Variants in HOOK1 observed in about 807,000 individuals in gnomAD.
The protein encoded by HOOK1 is protein Hook homolog 1.
HOOK1 carries 60 observed loss-of-function variants against 112.8 expected under a neutral mutation model. That is an observed-to-expected ratio of 0.53 (90% confidence interval 0.43 to 0.66). The LOEUF (loss-of-function observed/expected upper bound fraction) is 0.66. Among genes scored for constraint, HOOK1 ranks in the 30% least tolerant of loss-of-function variants. The probability of loss-of-function intolerance (pLI) is 0.00; values close to 1 mark genes in which losing one functional copy is unlikely to be tolerated. For missense variants in HOOK1, 770 were observed against 856.0 expected (o/e 0.90, Z 1.25); for synonymous variants, 294 against 283.8 (o/e 1.04, Z -0.36).
intron 17 of HOOK1, 39 bp downstream of exon 17, chr1:59,864,705 GA>G (rs774562611): frequency 7.7e-7 from 1 of 1,290,556 alleles, no homozygotes; most frequent in Non-Finnish European, 1.1e-6. Context: ...TATGAGAAGG[GA>G]GGGGTTGTAA....
intron 9 of HOOK1, among the ~76,000 whole-genome samples, chr1:59,845,566 TTTTTG>T (rs1374635593): frequency 6.6e-6 from 1 of 151,738 alleles, no homozygotes; most frequent in Non-Finnish European, 1.5e-5. Flanking sequence ...TGCTAAAAGT[TTTTTG>T]TTTTTGTTTT....
intron 21 of HOOK1, among the ~76,000 whole-genome samples, chr1:59,871,760 A>AT (rs1309190219): frequency 6.6e-6 from 1 of 152,232 alleles, no homozygotes; most frequent in East Asian, 1.9e-4. Flanking sequence ...TCTTATTTAT[A>AT]CAAAGGCATA....
At chr1:59,846,584 T>TCCCC (rs879727101) in intron 9 of HOOK1, among the ~76,000 whole-genome samples, 1 of 89,616 alleles carries the variant, frequency 1.1e-5, no homozygotes, top group Non-Finnish European at 2.2e-5. Flanking sequence ...CCTTCCTTCC[T>TCCCC]TCCTCCCTCC....
At chr1:59,861,349 T>C (rs2098413498) in intron 15 of HOOK1, among the ~76,000 whole-genome samples, 1 of 152,200 alleles carries the variant, frequency 6.6e-6, no homozygotes, top group Admixed American at 6.5e-5. Context: ...CAAATTTAAA[T>C]CCCACTTCTA....
chr1:59,859,834 GT>G (rs1358536926), intron 14 of HOOK1, among the ~76,000 whole-genome samples: 2 of 151,650 alleles, frequency 1.3e-5, no homozygotes, highest in Non-Finnish European at 2.9e-5. Context: ...TATACTATTT[GT>G]TTCCTTTAGC....
chr1:59,859,025 G>A lies in HOOK1; in HGVS notation c.1371G>A (p.Glu457=). ...ATKSYENLAA[E]IMPVEYREVF... Reference sequence around the variant, plus strand: ...AAAGTTATGAGAATCTTGCTGCTGAGATTATGCCAGTGGAATATAGGTAAA... The same window carrying A: ...AAAGTTATGAGAATCTTGCTGCTGAAATTATGCCAGTGGAATATAGGTAAA... Residue 457 remains glutamate (E), a synonymous_variant, in exon 14 of 22, where the codon GAG becomes GAA. Transcript: ENST00000371208. 1 of 1,560,564 alleles carries A rather than the reference G, an allele frequency of 6.4e-7. No individual in the cohort carries two copies. The highest frequency in any genetic ancestry group is 1.4e-5 in the African/African-American group (1 of 72,888).
At chr1:59,843,166 CCAAA>C (rs1024828895) in intron 8 of HOOK1, among the ~76,000 whole-genome samples, 26 of 151,482 alleles carry the variant, frequency 1.7e-4, no homozygotes, top group Admixed American at 9.9e-4. Context: ...ATTTTCTTCC[CCAAA>C]CAAAGGCAGG....
At position 59,876,102 on chromosome 1, in the gene HOOK1, C is replaced by T. The variant is rs564352277; in HGVS notation, c.*3137C>T. On this transcript the variant is annotated 3_prime_UTR_variant, in exon 22 of 22. Coordinates refer to ENST00000371208, the MANE Select transcript of HOOK1 (RefSeq NM_015888.6). ...GTATGCATACATTTTTATTGTGCAC[C>T]TGTACATTGTGAAGAAGTAGTTTGG... The T allele has an allele frequency of 2.6e-5, 4 of 152,640 alleles. No individual in the cohort carries two copies. In the South Asian group the frequency reaches 8.3e-4, roughly 32 times the overall value. 9.5% of individuals were successfully genotyped at this position (152,640 alleles called of 1,614,324 possible). A position where few individuals can be genotyped will look rare whatever the true frequency, so the allele number is the denominator to read the frequency against.
rs939111062 is a variant in HOOK1, at chr1:59,815,154, C to T, written c.37C>T (p.Pro13Ser). 2.6e-6 allele frequency: 4 copies of T among 1,543,708 alleles called. No homozygotes were observed. Among genetic ancestry groups the T allele is most frequent in the Non-Finnish European group, 2.6e-6 (3 of 1,146,568 alleles). The change falls in exon 1 of 22, where the codon CCC becomes TCC. Residue 13 changes from proline to serine, a missense_variant. Physicochemically the swap from Pro to Ser is moderately conservative, Grantham distance 74. Transcript: ENST00000371208. ...GCAGCCGCCGCCGCAGCCTAAGCTGCCCCTGTGCGACAGCCTCATGATCTG... is the reference window on the plus strand; with the variant it reads ...GCAGCCGCCGCCGCAGCCTAAGCTGTCCCTGTGCGACAGCCTCATGATCTG... Reference protein sequence around the residue: ...ETQPPPQPKLPLCDSLMIWLQ... With the variant: ...ETQPPPQPKLSLCDSLMIWLQ...
intron 20 of HOOK1, among the ~76,000 whole-genome samples, chr1:59,869,142 A>T (rs145412518): frequency 6.6e-6 from 1 of 152,096 alleles, no homozygotes; most frequent in Non-Finnish European, 1.5e-5. Flanking sequence ...GCAGAGCCAT[A>T]TTGAATTCTA....
rs878923503 is a variant in HOOK1, at chr1:59,873,987, C to T, written c.*1022C>T. On this transcript the variant is annotated 3_prime_UTR_variant, in exon 22 of 22. Transcript: ENST00000371208. Reference sequence around the variant, plus strand: ...TGGGCTCAGTTTGTGGTATTCAGTTCGTTTCTGCCCAAAGCTCTTATTTTC... The same window carrying T: ...TGGGCTCAGTTTGTGGTATTCAGTTTGTTTCTGCCCAAAGCTCTTATTTTC... 2 of 151,684 alleles carry T rather than the reference C, an allele frequency of 1.3e-5. 1 individual carries two copies. Among genetic ancestry groups the T allele is most frequent in the African/African-American group, 4.8e-5 (2 of 41,302 alleles). 9.4% of individuals were successfully genotyped at this position (151,684 alleles called of 1,614,324 possible). A position where few individuals can be genotyped will look rare whatever the true frequency, so the allele number is the denominator to read the frequency against.
Position 59,815,308 on chromosome 1 carries a change from C to T in HOOK1, c.63+128C>T, listed in dbSNP as rs2098380428. ...CCGGCGCACCCTGCCCTTCTCACCT[C>T]GTGCCCTTGACCGAGAGAATGCCAC... On this transcript the variant is annotated intron_variant, in intron 1 of 21. Coordinates refer to ENST00000371208, the MANE Select transcript of HOOK1 (RefSeq NM_015888.6). The T allele has an allele frequency of 3.5e-6, 3 of 861,078 alleles. No homozygotes were observed. The Admixed American group carries it at 8.3e-5, about 24-fold the overall frequency. 53.3% of individuals were successfully genotyped at this position (861,078 alleles called of 1,614,324 possible). A position where few individuals can be genotyped will look rare whatever the true frequency, so the allele number is the denominator to read the frequency against.
chr1:59,863,388 C>G lies in HOOK1; in HGVS notation c.1626+511C>G, dbSNP rs545135275. 7.2e-5 allele frequency among the ~76,000 whole-genome samples: 11 copies of G among 152,222 alleles called. No homozygotes were observed. In the South Asian group the frequency reaches 2.1e-3, roughly 29 times the overall value. The stretch of plus-strand genomic sequence containing the variant: ...CTGAAGGACAGAAACTTTAATGCAG[C>G]CTTGGAGGCATCACTCATTTCTTTC... On this transcript the variant is annotated intron_variant, in intron 16 of 21. Coordinates refer to ENST00000371208, the MANE Select transcript of HOOK1 (RefSeq NM_015888.6).
chr1:59,842,603 T>C (rs2098401588), intron 8 of HOOK1, among the ~76,000 whole-genome samples: 1 of 152,160 alleles, frequency 6.6e-6, no homozygotes, highest in African/African-American at 2.4e-5. Context: ...ATAACTGGAT[T>C]GAATTACATG....
chr1:59,832,163 G>A lies in HOOK1; in HGVS notation c.223G>A (p.Ala75Thr), dbSNP rs148007142. The A allele has an allele frequency of 3.9e-5, 58 of 1,497,090 alleles. No individual in the cohort carries two copies. In the East Asian group the frequency reaches 9.0e-4, roughly 23 times the overall value. 92.7% of individuals were successfully genotyped at this position (1,497,090 alleles called of 1,614,324 possible). A position where few individuals can be genotyped will look rare whatever the true frequency, so the allele number is the denominator to read the frequency against. ...EDVGDNWRIK[A>T]SNVKKVLQGI... ...GAATCTCTTATTTTTTTCACATTAG[G>A]CCAGTAATGTAAAGAAGGTCCTTCA... The change falls in exon 4 of 22, where the codon GCC (alanine) becomes ACC (threonine). Residue 75 changes from alanine to threonine, a missense_variant and splice_region_variant. This residue lies in a region of HOOK1 where 655 missense variants were observed against 725.9 expected (regional missense o/e 0.90). Transcript: ENST00000371208.
rs142054826 is a variant in HOOK1 at position 59,847,004 on chromosome 1, A to G, written c.789-41A>G. 1.3e-3 allele frequency: 1,937 copies of G among 1,510,794 alleles called. 2 individuals carry two copies. The highest frequency in any genetic ancestry group is 1.6e-3 in the Non-Finnish European group (1,824 of 1,118,482). The allele number at this position is 1,510,794 out of a possible 1,614,324, so 93.6% of individuals were successfully genotyped here. A position where few individuals can be genotyped will look rare whatever the true frequency, so the allele number is the denominator to read the frequency against. On this transcript the variant is annotated intron_variant, in intron 9 of 21. Coordinates refer to ENST00000371208, the MANE Select transcript of HOOK1 (RefSeq NM_015888.6). Reference sequence around the variant, plus strand: ...AGTTACAATTATATAATTATAACAAATCATGGAAGTTATAAATACTTACTT... The same window carrying G: ...AGTTACAATTATATAATTATAACAAGTCATGGAAGTTATAAATACTTACTT...
chr1:59,833,303 G>A, intron 4 of HOOK1, 102 bp from the exon 5 acceptor site: 2 of 860,978 alleles, frequency 2.3e-6, no homozygotes, highest in South Asian at 7.2e-5. Flanking sequence ...TTTTATCTGA[G>A]TTGTTTCGTG....
chr1:59,837,076 A>G (rs2098398224), intron 7 of HOOK1, 141 bp downstream of exon 7: 2 of 526,644 alleles, frequency 3.8e-6, no homozygotes, highest in Non-Finnish European at 6.8e-6. Context: ...GCATGATCCC[A>G]ATTGAATGGC....
Position 59,873,728 on chromosome 1 carries a change from T to C in HOOK1, c.*763T>C, listed in dbSNP as rs1223711023. 7.1e-5 allele frequency: 5 copies of C among 70,468 alleles called. No homozygotes were observed. Among genetic ancestry groups the C allele is most frequent in the Non-Finnish European group, 1.3e-4 (4 of 31,322 alleles). 4.4% of individuals were successfully genotyped at this position (70,468 alleles called of 1,614,324 possible). ...TGACTTTCTGATGGAAAGCAAGCTA[T>C]ATATATATATATATATATATATATA... is the stretch of plus-strand genomic sequence containing the variant. On this transcript the variant is annotated 3_prime_UTR_variant, in exon 22 of 22. Transcript: ENST00000371208.
Sources: gnomAD v4.1 joint callset for allele counts (sites outside exome capture counted in the v4.1 genomes callset) on GRCh38, gnomAD v4.1.1 for gene constraint, gnomAD v4.1.1 regional missense constraint, MANE v1.5 for transcripts, NCBI Gene and HGNC (gene_info 2026-07-23, HGNC 2026-07-21) for gene names.